Variants in ADGRL2 observed in about 807,000 individuals in gnomAD.
ADGRL2 encodes calcium-independent alpha-latrotoxin receptor 2.
ADGRL2 carries 44 observed loss-of-function variants against 157.4 expected under a neutral mutation model. That is an observed-to-expected ratio of 0.28 (90% CI 0.22 to 0.36). The LOEUF (loss-of-function observed/expected upper bound fraction) is 0.36. Ranked by LOEUF, ADGRL2 falls within the 10% of genes least tolerant of loss-of-function variation. The probability of loss-of-function intolerance (pLI) is 1.00; values close to 1 mark genes in which losing one functional copy is unlikely to be tolerated. For missense variants in ADGRL2, 1,510 were observed against 1,768.9 expected (o/e 0.85, Z 2.63); for synonymous variants, 585 against 624.7 (o/e 0.94, Z 0.95).
intron 1 of ADGRL2, among the ~76,000 whole-genome samples, chr1:81,817,340 G>A (rs2090512225): frequency 6.6e-6 from 1 of 151,358 alleles, no homozygotes; most frequent in South Asian, 2.1e-4. Context: ...GAAATCAGAA[G>A]CTAAGTCTTA....
chr1:81,496,407 T>C (rs889158437), intron 2 of ADGRL2, among the ~76,000 whole-genome samples: 2 of 152,164 alleles, frequency 1.3e-5, no homozygotes, highest in Non-Finnish European at 2.9e-5. Context: ...ACAGTTTCTG[T>C]CACACACAAA....
chr1:81,943,721 T>G lies in ADGRL2; in HGVS notation c.1162T>G (p.Phe388Val). 1 of 1,613,564 alleles carries G rather than the reference T, an allele frequency of 6.2e-7. No homozygotes were observed. The highest frequency in any genetic ancestry group is 8.5e-7 in the Non-Finnish European group (1 of 1,179,600). The change falls in exon 6 of 24, where the codon TTC becomes GTC. Residue 388 changes from phenylalanine to valine, a missense_variant. This residue lies in a region of ADGRL2 where 361 missense variants were observed against 498.4 expected (regional missense o/e 0.72). Coordinates refer to ENST00000686636, the MANE Select transcript of ADGRL2 (RefSeq NM_001366006.2). This position sits in a 1 kb window ranked among gnomAD's most constrained non-coding sequence, Gnocchi z 5.6. ...DNQLYVWNNN[F>V]ILRYSLEFGP... Reference sequence around the variant, plus strand: ...CCAACTTTACGTGTGGAACAATAACTTCATTTTACGATATTCTCTGGAGTT... The same window carrying G: ...CCAACTTTACGTGTGGAACAATAACGTCATTTTACGATATTCTCTGGAGTT...
intron 1 of ADGRL2, among the ~76,000 whole-genome samples, chr1:81,389,836 A>G (rs2076501616): frequency 6.6e-6 from 1 of 152,200 alleles, no homozygotes; most frequent in African/African-American, 2.4e-5. Context: ...AAGGCTAAAA[A>G]GAAACTACAT....
chr1:81,821,395 G>A (rs772136126), intron 1 of ADGRL2, among the ~76,000 whole-genome samples: 1 of 152,052 alleles, frequency 6.6e-6, no homozygotes, highest in Non-Finnish European at 1.5e-5. Flanking sequence ...TTCCTCCACA[G>A]TTCCTTTCTT....
chr1:81,715,611 T>A (rs1452528386), intron 1 of ADGRL2, among the ~76,000 whole-genome samples: 1 of 152,152 alleles, frequency 6.6e-6, no homozygotes, highest in Non-Finnish European at 1.5e-5. Context: ...AAGAGTGTGC[T>A]GAGCACTTAA....
At chr1:81,333,561 A>T (rs979950211) in intron 1 of ADGRL2, among the ~76,000 whole-genome samples, 1 of 151,780 alleles carries the variant, frequency 6.6e-6, no homozygotes, top group African/African-American at 2.4e-5. Flanking sequence ...GATTACAGGC[A>T]CCTGCCACTG....
intron 2 of ADGRL2, among the ~76,000 whole-genome samples, chr1:81,494,121 A>G (rs2078686093): frequency 6.6e-6 from 1 of 152,126 alleles, no homozygotes; most frequent in African/African-American, 2.4e-5. Context: ...CAAGTTTTGC[A>G]AACTCTCTTG....
intron 1 of ADGRL2, among the ~76,000 whole-genome samples, chr1:81,395,459 G>A (rs918206932): frequency 2.6e-5 from 4 of 152,168 alleles, no homozygotes; most frequent in African/African-American, 9.7e-5. Flanking sequence ...TTTGTCAGAT[G>A]AATACTTTGT....
intron 1 of ADGRL2, among the ~76,000 whole-genome samples, chr1:81,745,773 T>C (rs968465420): frequency 1.1e-4 from 17 of 152,204 alleles, no homozygotes; most frequent in African/African-American, 4.1e-4. Context: ...TTGAATATTT[T>C]ATTAGCGAGC....
intron 1 of ADGRL2, among the ~76,000 whole-genome samples, chr1:81,390,237 A>G (rs999099839): frequency 2.0e-5 from 3 of 152,300 alleles, no homozygotes; most frequent in Non-Finnish European, 4.4e-5. Context: ...AGAATGGTGC[A>G]TGTAGCAAAC....
intron 18 of ADGRL2, 73 bp from the exon 19 acceptor site, chr1:81,981,735 A>C: frequency 2.7e-5 from 31 of 1,136,406 alleles, no homozygotes; most frequent in Non-Finnish European, 3.7e-5. Flanking sequence ...TACTACTGAT[A>C]TGTTAACATT....
chr1:81,841,375 T>C (rs1329991962), intron 2 of ADGRL2, among the ~76,000 whole-genome samples: 1 of 152,124 alleles, frequency 6.6e-6, no homozygotes, highest in Admixed American at 6.6e-5. Context: ...GTTAATGTTC[T>C]CTCTCTAAAA....
At chr1:81,499,075 A>T (rs904116425) in intron 2 of ADGRL2, among the ~76,000 whole-genome samples, 2 of 152,248 alleles carry the variant, frequency 1.3e-5, no homozygotes. Context: ...TAATAAAGAC[A>T]GTTTGTTACC....
At chr1:81,907,346 G>T in intron 3 of ADGRL2, 116 bp downstream of exon 3, 1 of 824,860 alleles carries the variant, frequency 1.2e-6, no homozygotes, top group Non-Finnish European at 2.0e-6. Context: ...TTATTAAACT[G>T]AGTTGGGTTT....
chr1:81,338,805 C>A (rs1341393401), intron 1 of ADGRL2, among the ~76,000 whole-genome samples: 1 of 152,200 alleles, frequency 6.6e-6, no homozygotes, highest in Admixed American at 6.5e-5. Context: ...TGAACCCGGG[C>A]AGCTTGGCTT....
At position 81,649,839 on chromosome 1, in the gene ADGRL2, C is replaced by T. The variant is rs534805479; in HGVS notation, c.-143+68859C>T. Among the ~76,000 whole-genome samples the T allele has an allele frequency of 4.6e-5, 7 of 152,212 alleles. No individual in the cohort carries two copies. The South Asian group carries it at 1.2e-3, about 27-fold the overall frequency. On this transcript the variant is annotated intron_variant, in intron 3 of 24. Transcript: ENST00000370721. The stretch of plus-strand genomic sequence containing the variant: ...CATCTGATGGAAAAGCACTGACTCC[C>T]GTCAGAAGGCTCACAACTAAGTTGT...
chr1:81,650,574 CAAAA>C (rs1180168819), intron 3 of ADGRL2, among the ~76,000 whole-genome samples: 98 of 62,336 alleles, frequency 1.6e-3, no homozygotes, highest in African/African-American at 4.7e-3. Context: ...GACTCCATCT[CAAAA>C]AAAAAAAAAA....
rs562019811 is a variant in ADGRL2, at chr1:81,620,819, G to A, written c.-143+39839G>A. On this transcript the variant is annotated intron_variant, in intron 3 of 24. Transcript: ENST00000370721. The stretch of plus-strand genomic sequence containing the variant: ...GAAGATTTTCAAATGTATAAGTTCA[G>A]GGTAGGAAGAAATTAGTATTCACTG... Among the ~76,000 whole-genome samples, 63 of 152,202 alleles carry A rather than the reference G, an allele frequency of 4.1e-4. 1 individual carries two copies. The highest frequency in any genetic ancestry group is 4.0e-4 in the Non-Finnish European group (27 of 68,028).
At chr1:81,839,790 T>C (rs2092463659) in intron 2 of ADGRL2, among the ~76,000 whole-genome samples, 1 of 145,036 alleles carries the variant, frequency 6.9e-6, no homozygotes, top group African/African-American at 2.6e-5. Context: ...TTTTCCATCA[T>C]ATATATATAT....
Sources: gnomAD v4.1 joint callset for allele counts (sites outside exome capture counted in the v4.1 genomes callset) on GRCh38, gnomAD v4.1.1 for gene constraint, gnomAD v4.1.1 regional missense constraint, Gnocchi (gnomAD v3.1) non-coding constraint, MANE v1.5 for transcripts, NCBI Gene and HGNC (gene_info 2026-07-23, HGNC 2026-07-21) for gene names.